The following FER1L6 variants were observed in gnomAD, a reference collection of about 807,000 sequenced individuals.
The protein encoded by FER1L6 is fer-1 like family member 6.
A neutral mutation model predicts 219.2 loss-of-function variants in FER1L6; 177 were observed. That is an observed-to-expected ratio of 0.81 (90% CI 0.71 to 0.91). The LOEUF (loss-of-function observed/expected upper bound fraction) is 0.91. Among genes scored for constraint, FER1L6 ranks in the 40% least tolerant of loss-of-function variants. The pLI is 0.00. For synonymous variants in FER1L6, 768 were observed against 824.3 expected (o/e 0.93, Z 1.17); for missense variants, 2,153 against 2,259.9 (o/e 0.95, Z 0.96).
At chr8:124,063,923 A>T (rs998032459) in intron 25 of FER1L6, among the ~76,000 whole-genome samples, 1 of 152,126 alleles carries the variant, frequency 6.6e-6, no homozygotes, top group Non-Finnish European at 1.5e-5. Context: ...AAGCACATGT[A>T]CTTTTGTGCC....
At chr8:123,883,681 CATCGGTAG>C (rs1465022774) in intron 1 of FER1L6, among the ~76,000 whole-genome samples, 1 of 152,192 alleles carries the variant, frequency 6.6e-6, no homozygotes, top group East Asian at 1.9e-4. Context: ...AAGAACAAGG[CATCGGTAG>C]ATTCAGTGTC....
chr8:123,887,106 C>G (rs986609205), intron 1 of FER1L6, among the ~76,000 whole-genome samples: 13 of 152,146 alleles, frequency 8.5e-5, no homozygotes, highest in African/African-American at 2.9e-4. Context: ...CCTTATCTTT[C>G]CTGAGTTCCT....
intron 1 of FER1L6, among the ~76,000 whole-genome samples, chr8:123,877,240 C>T (rs1817019909): frequency 6.6e-6 from 1 of 152,234 alleles, no homozygotes; most frequent in Non-Finnish European, 1.5e-5. Flanking sequence ...ATTGCTGATT[C>T]ATCAGATTTG....
At chr8:123,926,087 T>TA (rs903366311) in intron 1 of FER1L6, among the ~76,000 whole-genome samples, 7 of 152,126 alleles carry the variant, frequency 4.6e-5, no homozygotes, top group African/African-American at 1.7e-4. Flanking sequence ...TCAACATTTA[T>TA]AAAAAAATGC....
In FER1L6 at chr8:124,103,179, G is replaced by C. The variant is rs56132579; in HGVS notation, c.5159G>C (p.Arg1720Pro). 2 of 1,613,992 alleles carry C rather than the reference G, an allele frequency of 1.2e-6. No homozygotes were observed. The highest frequency in any genetic ancestry group is 1.3e-5 in the African/African-American group (1 of 75,020). ...GAAATGAACCTCAACAGTTTCCCTC[G>C]AGCAGCTAAGTCTGCCAAAGCCTGT... Reference protein sequence around the residue: ...TLEMNLNSFPRAAKSAKACDL... With the variant: ...TLEMNLNSFPPAAKSAKACDL... Residue 1720 changes from arginine to proline, a missense_variant, in exon 39 of 41, where the codon CGA (arginine) becomes CCA (proline). Transcript: ENST00000522917.
Position 123,853,749 on chromosome 8 carries a change from G to T in FER1L6, c.-8+1564G>T, listed in dbSNP as rs1816571465. 6.6e-6 allele frequency among the ~76,000 whole-genome samples: 1 copy of T among 152,208 alleles called. No individual in the cohort carries two copies. The highest frequency in any genetic ancestry group is 2.4e-5 in the African/African-American group (1 of 41,450). On this transcript the variant is annotated intron_variant, in intron 1 of 40. Coordinates refer to ENST00000522917, the MANE Select transcript of FER1L6 (RefSeq NM_001039112.2). The surrounding 1 kb of genome is among the most constrained non-coding windows in gnomAD (Gnocchi z 6.6). Reference sequence around the variant, plus strand: ...ACCTGGAGGAGGAAAAGGCCAGAAAGCTGCAGACAACCCAACAGTGTCAAG... The same window carrying T: ...ACCTGGAGGAGGAAAAGGCCAGAAATCTGCAGACAACCCAACAGTGTCAAG...
intron 34 of FER1L6, among the ~76,000 whole-genome samples, chr8:124,092,945 T>G (rs1586326735): frequency 6.7e-6 from 1 of 148,208 alleles, no homozygotes; most frequent in Middle Eastern, 3.5e-3. Context: ...AACCTCCACC[T>G]CCCGGGTAGC....
chr8:124,048,875 C>A (rs1241408562), intron 21 of FER1L6, among the ~76,000 whole-genome samples: 1 of 152,224 alleles, frequency 6.6e-6, no homozygotes, highest in Non-Finnish European at 1.5e-5. Flanking sequence ...TGATGCCCTG[C>A]CCTGCAGATC....
chr8:123,974,980 G>A (rs1018633340), intron 7 of FER1L6, among the ~76,000 whole-genome samples, 170 bp from the exon 8 acceptor site: 1 of 152,130 alleles, frequency 6.6e-6, no homozygotes, highest in Non-Finnish European at 1.5e-5. Flanking sequence ...CAAAGGGAGA[G>A]GAGGGAAAGG....
chr8:123,923,941 GAAAAAAA>G (rs60137127), intron 1 of FER1L6, among the ~76,000 whole-genome samples: 1,678 of 94,768 alleles, frequency 0.018, 15 homozygotes, highest in African/African-American at 0.041. Context: ...CTCCAACTAA[GAAAAAAA>G]AAAAAAAAAA....
intron 3 of FER1L6, among the ~76,000 whole-genome samples, chr8:123,964,146 G>A (rs1030074087): frequency 9.9e-5 from 15 of 152,210 alleles, no homozygotes; most frequent in Non-Finnish European, 2.9e-5. Context: ...TTCTCTTGAG[G>A]TGTAGGCTTT....
chr8:124,073,967 G>A (rs547945627), intron 31 of FER1L6, among the ~76,000 whole-genome samples: 27 of 152,246 alleles, frequency 1.8e-4, no homozygotes, highest in Non-Finnish European at 4.0e-4. Flanking sequence ...TATAATTTTT[G>A]GCTATTAAAC....
At chr8:123,933,367 C>CGTGTGT (rs1563692476) in intron 1 of FER1L6, among the ~76,000 whole-genome samples, 1 of 146,840 alleles carries the variant, frequency 6.8e-6, no homozygotes, top group Admixed American at 7.0e-5. Flanking sequence ...TCTATCATAG[C>CGTGTGT]ATATGTGTGT....
At chr8:123,926,186 T>C (rs1311652066) in intron 1 of FER1L6, among the ~76,000 whole-genome samples, 1 of 152,164 alleles carries the variant, frequency 6.6e-6, no homozygotes, top group Non-Finnish European at 1.5e-5. Context: ...TAGGAGTGCT[T>C]CTCAGACTTG....
At chr8:124,094,807 C>G (rs1822202843) in intron 34 of FER1L6, 89 bp from the exon 35 acceptor site, 1 of 1,408,372 alleles carries the variant, frequency 7.1e-7, no homozygotes. Context: ...TTTAAATAAG[C>G]CTGTAAGTGT....
intron 1 of FER1L6, among the ~76,000 whole-genome samples, chr8:123,948,757 C>T (rs529683435): frequency 4.3e-4 from 65 of 149,898 alleles, no homozygotes; most frequent in Non-Finnish European, 6.6e-4. Context: ...GTTAAATAGA[C>T]GGGAAATAGC....
rs368650874 is a variant in FER1L6 at position 123,973,496 on chromosome 8, C to T, written c.510C>T (p.Thr170=). Residue 170 remains threonine (T), a synonymous_variant, in exon 7 of 41, where the codon ACC becomes ACT. Transcript: ENST00000522917. ...GCTCTTTCAAAGTAGACCTGGGGAC[C>T]GTGTACAACCAACCTGGTAAGAAAA... The part of the protein sequence containing the change: ...LIGSFKVDLG[T]VYNQPGHQFC... 1.7e-5 allele frequency: 27 copies of T among 1,613,476 alleles called. No homozygotes were observed. The highest frequency in any genetic ancestry group is 1.6e-4 in the Middle Eastern group (1 of 6,062).
intron 1 of FER1L6, among the ~76,000 whole-genome samples, chr8:123,937,852 T>C (rs1814069204): frequency 6.6e-6 from 1 of 152,086 alleles, no homozygotes; most frequent in Admixed American, 6.6e-5. Flanking sequence ...CAGAGATATA[T>C]AGGAAAGAAA....
chr8:124,024,587 T>G (rs886106170), intron 18 of FER1L6, among the ~76,000 whole-genome samples: 2 of 152,238 alleles, frequency 1.3e-5, no homozygotes, highest in Admixed American at 6.5e-5. Flanking sequence ...ATATCACATT[T>G]TCTTAATCCA....
Sources: gnomAD v4.1 joint callset for allele counts (sites outside exome capture counted in the v4.1 genomes callset) on GRCh38, gnomAD v4.1.1 for gene constraint, Gnocchi (gnomAD v3.1) non-coding constraint, MANE v1.5 for transcripts, NCBI Gene and HGNC (gene_info 2026-07-23, HGNC 2026-07-21) for gene names.